Variants in SCLY observed in about 807,000 individuals in gnomAD.
SCLY encodes putative selenocysteine lyase.
A neutral mutation model predicts 50.1 loss-of-function variants in SCLY; 38 were observed. The observed-to-expected ratio is 0.76, with a 90% CI of 0.59 to 0.99. SCLY has a LOEUF of 0.99. Among genes scored for constraint, SCLY ranks in the 50% least tolerant of loss-of-function variants. The pLI is 0.00. For synonymous variants in SCLY, 243 were observed against 249.4 expected (o/e 0.97, Z 0.24); for missense variants, 600 against 620.0 (o/e 0.97, Z 0.34).
In SCLY at chr2:238,098,577, G is replaced by GGGAACGCCCACATT. The variant is rs1559254371; in HGVS notation, c.*225_*226insACGCCCACATTGGA. 3.0e-6 allele frequency: 1 copy of GGGAACGCCCACATT among 334,590 alleles called. No homozygotes were observed. 20.7% of individuals were successfully genotyped at this position (334,590 alleles called of 1,614,324 possible). On this transcript the variant is annotated 3_prime_UTR_variant, in exon 12 of 12. Transcript: ENST00000254663. ...CAACGCCGCATAGGACTGCCCACATGGGACCGCCCACATAGGACCGCCCAC... is the reference window on the plus strand; with the variant it reads ...CAACGCCGCATAGGACTGCCCACATGGGAACGCCCACATTGGACCGCCCACATAGGACCGCCCAC...
chr2:238,068,055 G>T lies in SCLY; in HGVS notation c.203-10G>T. On this transcript the variant is annotated splice_polypyrimidine_tract_variant and intron_variant, in intron 2 of 11. Transcript: ENST00000254663. ...GCAATGTTAATGAATTTCCTTTTTG[G>T]TCCCTCAAGGAAGAAAGGCCAAGGA... is the stretch of plus-strand genomic sequence containing the variant. 6.3e-7 allele frequency: 1 copy of T among 1,596,400 alleles called. No individual in the cohort carries two copies. Among genetic ancestry groups the T allele is most frequent in the Non-Finnish European group, 8.5e-7 (1 of 1,171,154 alleles).
chr2:238,072,041 A>G (rs2065133401), intron 4 of SCLY, among the ~76,000 whole-genome samples: 2 of 152,094 alleles, frequency 1.3e-5, no homozygotes, highest in Admixed American at 1.3e-4. Context: ...ACCTTGTACC[A>G]GTTAACTGTA....
Position 238,069,574 on chromosome 2 carries a change from A to G in SCLY, c.484+97A>G, listed in dbSNP as rs2065108106. Reference sequence around the variant, plus strand: ...GCAGAGCCCGGGATCCGCTGCAGAGATGTAGATTCAGTGTGCCACTCACTG... The same window carrying G: ...GCAGAGCCCGGGATCCGCTGCAGAGGTGTAGATTCAGTGTGCCACTCACTG... On this transcript the variant is annotated intron_variant, in intron 4 of 11. Transcript: ENST00000254663. The surrounding 1 kb of genome is among the most constrained non-coding windows in gnomAD (Gnocchi z 5.0). 8.8e-7 allele frequency: 1 copy of G among 1,131,578 alleles called. No individual in the cohort carries two copies. The highest frequency in any genetic ancestry group is 1.2e-6 in the Non-Finnish European group (1 of 812,010). The allele number at this position is 1,131,578 out of a possible 1,614,324, so 70.1% of individuals were successfully genotyped here.
intron 4 of SCLY, chr2:238,073,935 T>C (rs1222964848): frequency 3.1e-6 from 1 of 320,348 alleles, no homozygotes; most frequent in African/African-American, 2.2e-5. Context: ...ATATATAATA[T>C]ACAAAATATG....
At chr2:238,064,253 C>T in intron 1 of SCLY, 104 bp from the exon 2 acceptor site, 3 of 621,514 alleles carry the variant, frequency 4.8e-6, no homozygotes, top group Non-Finnish European at 2.7e-6. Context: ...TCACCATGCC[C>T]TTGACATTAT....
chr2:238,099,179 G>A lies in SCLY; in HGVS notation c.*824G>A, dbSNP rs1034244270. On this transcript the variant is annotated 3_prime_UTR_variant, in exon 12 of 12. Transcript: ENST00000254663. ...GGTGCAGCTCCAGGTCATTCCTGGGGTGGGAATCGGATCATCCCTGACTCA... is the reference window on the plus strand; with the variant it reads ...GGTGCAGCTCCAGGTCATTCCTGGGATGGGAATCGGATCATCCCTGACTCA... 3 of 462,022 alleles carry A rather than the reference G, an allele frequency of 6.5e-6. No homozygotes were observed. Among genetic ancestry groups the A allele is most frequent in the Admixed American group, 2.4e-5 (1 of 41,496 alleles). The allele number at this position is 462,022 out of a possible 1,614,324, so 28.6% of individuals were successfully genotyped here.
Position 238,064,365 on chromosome 2 carries a change from A to G in SCLY, c.98A>G (p.Tyr33Cys). 6.3e-7 allele frequency: 1 copy of G among 1,599,100 alleles called. No homozygotes were observed. Among genetic ancestry groups the G allele is most frequent in the South Asian group, 1.1e-5 (1 of 88,500 alleles). The change falls in exon 2 of 12, where the codon TAT (tyrosine) becomes TGT (cysteine). Residue 33 changes from tyrosine (Y) to cysteine (C), a missense_variant. Transcript: ENST00000254663. The part of the protein sequence containing the change: ...GKHNSPERKV[Y>C]MDYNATTPLE... ...TGCTTTCTTTCCTTCAGGAAAGTTT[A>G]TATGGACTATAATGCAACGACTCCC...
chr2:238,063,794 G>A (rs555620460), intron 1 of SCLY, among the ~76,000 whole-genome samples: 36 of 152,332 alleles, frequency 2.4e-4, no homozygotes, highest in Middle Eastern at 3.4e-3. Flanking sequence ...CTTGGGGAAT[G>A]TGCAGCTGTT....
At position 238,098,203 on chromosome 2, in the gene SCLY, C is replaced by CCGT; in HGVS notation, c.1188_1190dup (p.Ser397dup). On this transcript the variant is annotated inframe_insertion and splice_region_variant, in exon 12 of 12. Coordinates refer to ENST00000254663, the MANE Select transcript of SCLY (RefSeq NM_016510.7). ...GCAGCTCGGTCTCGCCCTCCCCAGG[C>CCGT]CGTCCCCAGTGCTGCTGAGCTACGG... 1.9e-6 allele frequency: 3 copies of CCGT among 1,609,640 alleles called. No individual in the cohort carries two copies. Among genetic ancestry groups the CCGT allele is most frequent in the Non-Finnish European group, 2.5e-6 (3 of 1,178,886 alleles).
chr2:238,098,467 C>A lies in SCLY; in HGVS notation c.*112C>A. The A allele has an allele frequency of 1.6e-6, 2 of 1,259,512 alleles. No individual in the cohort carries two copies. The highest frequency in any genetic ancestry group is 2.1e-6 in the Non-Finnish European group (2 of 932,958). 78.0% of individuals were successfully genotyped at this position (1,259,512 alleles called of 1,614,324 possible). ...CCAGGATGACTGTCTCATGCCCCCT[C>A]TGCATTTTGTCCTGGAGTGCCAGCG... On this transcript the variant is annotated 3_prime_UTR_variant, in exon 12 of 12. Coordinates refer to ENST00000254663, the MANE Select transcript of SCLY (RefSeq NM_016510.7).
intron 1 of SCLY, among the ~76,000 whole-genome samples, chr2:238,063,256 GT>G (rs56051146): frequency 0.37 from 52,473 of 141,642 alleles, 10,689 homozygotes; most frequent in Admixed American, 0.47. Flanking sequence ...TTTTGTTGTT[GT>G]TTTTTTTTTT....
At chr2:238,071,981 A>ATT (rs1456972820) in intron 4 of SCLY, among the ~76,000 whole-genome samples, 1 of 152,028 alleles carries the variant, frequency 6.6e-6, no homozygotes, top group Admixed American at 6.6e-5. Flanking sequence ...GTTATAGAAA[A>ATT]TTTTTCTATA....
intron 8 of SCLY, 75 bp from the exon 9 acceptor site, chr2:238,093,786 G>A: frequency 1.5e-6 from 2 of 1,360,450 alleles, no homozygotes; most frequent in Non-Finnish European, 2.1e-6. Flanking sequence ...AATGCCACCT[G>A]TACCGTTGAA....
rs879335113 is a variant in SCLY, at chr2:238,066,228, G to A, written c.202+1759G>A. Among the ~76,000 whole-genome samples, 14 of 152,172 alleles carry A rather than the reference G, an allele frequency of 9.2e-5. No homozygotes were observed. Among genetic ancestry groups the A allele is most frequent in the African/African-American group, 2.9e-4 (12 of 41,442 alleles). ...TGCCTGTTGCTGGAAGATAGCTGGC[G>A]CTCATACCTCCCCGTCCAGCCCACT... On this transcript the variant is annotated intron_variant, in intron 2 of 11. Coordinates refer to ENST00000254663, the MANE Select transcript of SCLY (RefSeq NM_016510.7). The surrounding 1 kb of genome is among the most constrained non-coding windows in gnomAD (Gnocchi z 4.1).
At chr2:238,096,166 C>G (rs35222550) in intron 10 of SCLY, 11,949 of 154,794 alleles carry the variant, frequency 0.077, 749 homozygotes, top group East Asian at 0.19. Context: ...CCTTGGCCCC[C>G]CAAAGTGCTG....
Position 238,064,117 on chromosome 2 carries a change from A to G in SCLY, c.90-240A>G, listed in dbSNP as rs188165748. On this transcript the variant is annotated intron_variant, in intron 1 of 11. Transcript: ENST00000254663. ...AAACCGAAATGAAAATCCAAGTCCT[A>G]TCAATTATAAAAGAAATTGACAAAA... Among the ~76,000 whole-genome samples the G allele has an allele frequency of 1.9e-3, 293 of 152,338 alleles. 1 individual carries two copies. The highest frequency in any genetic ancestry group is 3.4e-3 in the Middle Eastern group (1 of 294).
At position 238,098,579 on chromosome 2, in the gene SCLY, G is replaced by A. The variant is rs201735002; in HGVS notation, c.*224G>A. 2.8e-5 allele frequency: 11 copies of A among 394,766 alleles called. No homozygotes were observed. The highest frequency in any genetic ancestry group is 4.2e-5 in the Non-Finnish European group (10 of 236,304). 24.5% of individuals were successfully genotyped at this position (394,766 alleles called of 1,614,324 possible). A position where few individuals can be genotyped will look rare whatever the true frequency, so the allele number is the denominator to read the frequency against. ...ACGCCGCATAGGACTGCCCACATGG[G>A]ACCGCCCACATAGGACCGCCCACAT... On this transcript the variant is annotated 3_prime_UTR_variant, in exon 12 of 12. Coordinates refer to ENST00000254663, the MANE Select transcript of SCLY (RefSeq NM_016510.7).
At position 238,068,079 on chromosome 2, in the gene SCLY, G is replaced by A; in HGVS notation, c.217G>A (p.Asp73Asn). The part of the protein sequence containing the change: ...SPYSAGRKAK[D>N]IINAARESLA... ...GGTCCCTCAAGGAAGAAAGGCCAAG[G>A]ATATTATAAATGCAGCTCGGGAAAG... The change falls in exon 3 of 12, where the codon GAT becomes AAT. Residue 73 changes from aspartate (D) to asparagine (N), a missense_variant. Physicochemically the swap from Asp to Asn is conservative, Grantham distance 23 (BLOSUM62 1). Transcript: ENST00000254663. 6.2e-7 allele frequency: 1 copy of A among 1,612,218 alleles called. No homozygotes were observed. Among genetic ancestry groups the A allele is most frequent in the Non-Finnish European group, 8.5e-7 (1 of 1,179,338 alleles).
Position 238,067,412 on chromosome 2 carries a change from G to T in SCLY, c.203-653G>T, listed in dbSNP as rs1373303897. Among the ~76,000 whole-genome samples, 1 of 152,210 alleles carries T rather than the reference G, an allele frequency of 6.6e-6. No individual in the cohort carries two copies. Among genetic ancestry groups the T allele is most frequent in the Non-Finnish European group, 1.5e-5 (1 of 68,040 alleles). ...TCAAAAAAGTTTGGGGACTCCTGGT[G>T]TGTACACTAAGAATGGTCACTGAAA... On this transcript the variant is annotated intron_variant, in intron 2 of 11. Transcript: ENST00000254663. This position sits in a 1 kb window ranked among gnomAD's most constrained non-coding sequence, Gnocchi z 4.3.
Sources: gnomAD v4.1 joint callset for allele counts (sites outside exome capture counted in the v4.1 genomes callset) on GRCh38, gnomAD v4.1.1 for gene constraint, Gnocchi (gnomAD v3.1) non-coding constraint, MANE v1.5 for transcripts, NCBI Gene and HGNC (gene_info 2026-07-23, HGNC 2026-07-21) for gene names.